The following SORCS1 variants were observed in gnomAD, a reference collection of about 807,000 sequenced individuals.
SORCS1 encodes the protein VPS10 domain-containing receptor SorCS1.
Under a neutral mutation model 146.1 loss-of-function variants are expected in SORCS1, and 60 were observed. The ratio of observed to expected loss-of-function variants is 0.41; its 90% CI spans 0.33 to 0.51. SORCS1 has a LOEUF of 0.51. SORCS1 is among the 20% of genes least tolerant of loss of function. The pLI, the probability that SORCS1 is intolerant of heterozygous loss-of-function variation, is 0.21. For synonymous variants in SORCS1, 637 were observed against 584.0 expected (o/e 1.09, Z -1.31); for missense variants, 1,352 against 1,487.6 (o/e 0.91, Z 1.50).
At chr10:106,638,142 T>C (rs1374593508) in intron 18 of SORCS1, among the ~76,000 whole-genome samples, 1 of 152,208 alleles carries the variant, frequency 6.6e-6, no homozygotes. Flanking sequence ...CTGCATGATG[T>C]GGCTGTAGGA....
At chr10:106,596,963 T>C (rs1845943069) in intron 24 of SORCS1, among the ~76,000 whole-genome samples, 1 of 152,140 alleles carries the variant, frequency 6.6e-6, no homozygotes, top group Non-Finnish European at 1.5e-5. Flanking sequence ...GCGATTCTCC[T>C]GCCTCAGCCT....
chr10:106,760,447 A>G (rs946680770), intron 5 of SORCS1, among the ~76,000 whole-genome samples: 3 of 149,300 alleles, frequency 2.0e-5, no homozygotes, highest in Non-Finnish European at 4.5e-5. Flanking sequence ...CGTCTCAAAA[A>G]AAAAAAAAAA....
chr10:107,046,180 G>A (rs1403928417), intron 1 of SORCS1, among the ~76,000 whole-genome samples: 1 of 152,054 alleles, frequency 6.6e-6, no homozygotes, highest in Non-Finnish European at 1.5e-5. Flanking sequence ...TCTTGAATTC[G>A]TGATCCGCCC....
At chr10:106,846,020 G>A (rs1949304159) in intron 2 of SORCS1, among the ~76,000 whole-genome samples, 1 of 128,134 alleles carries the variant, frequency 7.8e-6, no homozygotes. Flanking sequence ...GTAGTGTGAT[G>A]CCTCCAGCTT....
intron 1 of SORCS1, among the ~76,000 whole-genome samples, chr10:107,116,934 G>A (rs1966077366): frequency 6.6e-6 from 1 of 152,018 alleles, no homozygotes; most frequent in Non-Finnish European, 1.5e-5. Flanking sequence ...TGGTATTAAT[G>A]AATAATCATA....
At chr10:107,109,528 G>A (rs1374506970) in intron 1 of SORCS1, among the ~76,000 whole-genome samples, 1 of 152,236 alleles carries the variant, frequency 6.6e-6, no homozygotes, top group East Asian at 1.9e-4. Context: ...TCCCAATGGT[G>A]TGGAGTACAG....
chr10:106,691,449 T>A (rs371692384), intron 9 of SORCS1, among the ~76,000 whole-genome samples: 281 of 152,330 alleles, frequency 1.8e-3, no homozygotes, highest in African/African-American at 6.4e-3. Context: ...CTACCAGACA[T>A]CTCAAAAGTA....
intron 1 of SORCS1, among the ~76,000 whole-genome samples, chr10:107,156,402 G>A (rs948470463): frequency 3.3e-5 from 5 of 152,280 alleles, no homozygotes; most frequent in South Asian, 2.1e-4. Context: ...TAAAGGTGTC[G>A]TGATAATCAA....
At position 106,726,185 on chromosome 10, in the gene SORCS1, CTTTTTT is replaced by C. The variant is rs1169402270; in HGVS notation, c.1024+3859_1024+3864del. 1.1e-4 allele frequency among the ~76,000 whole-genome samples: 7 copies of C among 66,300 alleles called. 1 individual carries two copies. The highest frequency in any genetic ancestry group is 3.8e-4 in the African/African-American group (6 of 15,684). 43.5% of individuals were successfully genotyped at this position (66,300 alleles called of 152,430 possible). ...TTATTGAGACAATCTCTTTCCCTCTCTTTTTTTTTTTTTTTTTTTTTTACACTGTGA... is the reference window on the plus strand; with the variant it reads ...TTATTGAGACAATCTCTTTCCCTCTCTTTTTTTTTTTTTTTTACACTGTGA... On this transcript the variant is annotated intron_variant, in intron 6 of 25. Coordinates refer to ENST00000263054, the MANE Select transcript of SORCS1 (RefSeq NM_052918.5).
chr10:107,010,697 T>G (rs2139728032), intron 1 of SORCS1, among the ~76,000 whole-genome samples: 1 of 152,280 alleles, frequency 6.6e-6, no homozygotes, highest in South Asian at 2.1e-4. Context: ...CTGTGGGTCA[T>G]TTTGAGAGGC....
At chr10:107,043,470 T>C (rs1177237484) in intron 1 of SORCS1, among the ~76,000 whole-genome samples, 1 of 152,152 alleles carries the variant, frequency 6.6e-6, no homozygotes, top group Non-Finnish European at 1.5e-5. Flanking sequence ...AATAACTGCA[T>C]TGAGTTTTAG....
chr10:106,667,801 C>G lies in SORCS1; in HGVS notation c.2191G>C (p.Asp731His). 6.2e-7 allele frequency: 1 copy of G among 1,613,152 alleles called. No individual in the cohort carries two copies. Among genetic ancestry groups the G allele is most frequent in the Non-Finnish European group, 8.5e-7 (1 of 1,179,568 alleles). Residue 731 changes from aspartate to histidine, a missense_variant and splice_region_variant, in exon 17 of 26, where the codon GAC becomes CAC. This residue lies in a region of SORCS1 where 648 missense variants were observed against 793.8 expected (regional missense o/e 0.82). Transcript: ENST00000263054. ...TTGCTGTGTCGCTCATAACCATAGT[C>G]GCTGTTAGGAAAGAGCCGAGAAAAA... ...CVCTEADFDC[D>H]YGYERHSNGQ... is the part of the protein sequence containing the mutation.
chr10:107,177,796 A>G, the SORCS1 span, among the ~76,000 whole-genome samples: 1 of 152,238 alleles, frequency 6.6e-6, no homozygotes, highest in Admixed American at 6.5e-5. Flanking sequence ...GATGGTACAT[A>G]TACACTGTGG....
chr10:106,978,165 G>C (rs1956111555), intron 1 of SORCS1, among the ~76,000 whole-genome samples: 1 of 152,032 alleles, frequency 6.6e-6, no homozygotes, highest in Non-Finnish European at 1.5e-5. Flanking sequence ...GGCTAGTCGC[G>C]AACCCCTGAC....
intron 2 of SORCS1, among the ~76,000 whole-genome samples, chr10:106,930,462 A>C (rs891485620): frequency 3.3e-5 from 5 of 152,194 alleles, no homozygotes; most frequent in African/African-American, 1.2e-4. Flanking sequence ...TTATTTGCAG[A>C]ACCCTCAGCT....
At chr10:107,037,106 C>T (rs893624942) in intron 1 of SORCS1, among the ~76,000 whole-genome samples, 2 of 152,008 alleles carry the variant, frequency 1.3e-5, no homozygotes, top group Admixed American at 6.6e-5. Flanking sequence ...ATTAGCTGGG[C>T]GCGGTGGAAC....
chr10:106,671,553 A>G (rs1198318207), intron 15 of SORCS1, among the ~76,000 whole-genome samples, 186 bp from the exon 16 acceptor site: 1 of 152,206 alleles, frequency 6.6e-6, no homozygotes, highest in Non-Finnish European at 1.5e-5. Context: ...CTATAAAGGC[A>G]ATCCTAACAA....
chr10:107,040,041 C>T (rs1216878510), intron 1 of SORCS1, among the ~76,000 whole-genome samples: 1 of 152,146 alleles, frequency 6.6e-6, no homozygotes, highest in Non-Finnish European at 1.5e-5. Flanking sequence ...GCCTGGGTGA[C>T]AGGGTGAGAC....
intron 6 of SORCS1, among the ~76,000 whole-genome samples, chr10:106,711,546 T>C (rs916687188): frequency 5.3e-5 from 8 of 152,200 alleles, no homozygotes; most frequent in Non-Finnish European, 1.2e-4. Flanking sequence ...CTCTGACCAA[T>C]GACTGATGGG....
Sources: gnomAD v4.1 joint callset for allele counts (sites outside exome capture counted in the v4.1 genomes callset) on GRCh38, gnomAD v4.1.1 for gene constraint, gnomAD v4.1.1 regional missense constraint, MANE v1.5 for transcripts, NCBI Gene and HGNC (gene_info 2026-07-23, HGNC 2026-07-21) for gene names.